CFAP44: variants seen among roughly 807,000 people sequenced by gnomAD.
The protein encoded by CFAP44 is cilia- and flagella-associated protein 44.
Under a neutral mutation model 216.2 loss-of-function variants are expected in CFAP44, and 134 were observed. That is an observed-to-expected ratio of 0.62 (90% CI 0.54 to 0.72). CFAP44 has a LOEUF of 0.72. CFAP44 is among the 30% of genes least tolerant of loss of function. The probability of loss-of-function intolerance (pLI) is 0.00; values close to 1 mark genes in which losing one functional copy is unlikely to be tolerated. For missense variants in CFAP44, 2,035 were observed against 2,182.1 expected, an observed-to-expected ratio of 0.93 and a Z score of 1.34; for synonymous variants, 700 against 727.6, an observed-to-expected ratio of 0.96 and a Z score of 0.61.
intron 13 of CFAP44, 91 bp downstream of exon 13, chr3:113,399,815 G>T: frequency 1.2e-6 from 1 of 801,118 alleles, no homozygotes; most frequent in South Asian, 3.4e-5. Flanking sequence ...TTAAAATTTT[G>T]AGTCAGCAAA....
chr3:113,326,386 C>A (rs771201028), intron 28 of CFAP44, 59 bp downstream of exon 28: 8 of 1,396,758 alleles, frequency 5.7e-6, no homozygotes, highest in Non-Finnish European at 6.5e-6. Context: ...CCCTTAGTTA[C>A]CTCTCTATTT....
At chr3:113,316,060 T>A (rs1438930260) in intron 28 of CFAP44, among the ~76,000 whole-genome samples, 1 of 152,166 alleles carries the variant, frequency 6.6e-6, no homozygotes, top group Admixed American at 6.5e-5. Flanking sequence ...AAAACAAACC[T>A]CAACAATTAC....
intron 25 of CFAP44, 123 bp downstream of exon 25, chr3:113,333,283 C>T: frequency 7.0e-6 from 6 of 852,448 alleles, no homozygotes; most frequent in African/African-American, 1.8e-5. Flanking sequence ...AAGTCTTTTC[C>T]AGTTCTAAAT....
At chr3:113,381,758 T>C (rs1933516450) in intron 15 of CFAP44, among the ~76,000 whole-genome samples, 1 of 152,214 alleles carries the variant, frequency 6.6e-6, no homozygotes, top group African/African-American at 2.4e-5. Flanking sequence ...CAATTATTTG[T>C]TGTGTACCTA....
intron 1 of CFAP44, among the ~76,000 whole-genome samples, chr3:113,437,375 T>C (rs1308561002): frequency 6.6e-6 from 1 of 152,154 alleles, no homozygotes; most frequent in Non-Finnish European, 1.5e-5. Context: ...AAGATAATCA[T>C]AAGGTGGGTA....
rs763721635 is a variant in CFAP44 at position 113,306,317 on chromosome 3, GA to G, written c.4641del (p.Leu1548PhefsTer19). The G allele has an allele frequency of 1.3e-6, 2 of 1,536,242 alleles. No individual in the cohort carries two copies. The highest frequency in any genetic ancestry group is 2.4e-5 in the South Asian group (2 of 83,762). ...DSICPTNCDV[A>X]LFELALHLRE... ...CGAAGGTGAAGGGCCAGCTCAAAAA[GA>G]GCCACATCACAATCTGCCAAGAGAA... On this transcript the variant is annotated frameshift_variant, in exon 30 of 35. Transcript: ENST00000393845. LOFTEE classifies it high-confidence loss of function.
In CFAP44 at chr3:113,291,483, T is replaced by C. The variant is rs1949828161; in HGVS notation, c.*74A>G. Reference sequence around the variant, plus strand: ...GTTCAGTTTAAAGTAATAAGATTGTTGGAGGTGATGAGGAGACAGAACTTC... The same window carrying C: ...GTTCAGTTTAAAGTAATAAGATTGTCGGAGGTGATGAGGAGACAGAACTTC... On this transcript the variant is annotated 3_prime_UTR_variant, in exon 35 of 35. Coordinates refer to ENST00000393845, the MANE Select transcript of CFAP44 (RefSeq NM_001164496.2). 1 of 1,459,956 alleles carries C rather than the reference T, an allele frequency of 6.8e-7. No homozygotes were observed. The allele number at this position is 1,459,956 out of a possible 1,614,324, so 90.4% of individuals were successfully genotyped here. A position where few individuals can be genotyped will look rare whatever the true frequency, so the allele number is the denominator to read the frequency against.
intron 28 of CFAP44, among the ~76,000 whole-genome samples, chr3:113,326,077 A>C (rs994249923): frequency 2.0e-5 from 3 of 151,884 alleles, no homozygotes; most frequent in Non-Finnish European, 4.4e-5. Flanking sequence ...AACTCTCCAA[A>C]CTCAACAGTA....
chr3:113,387,872 C>G (rs749784972), intron 15 of CFAP44, among the ~76,000 whole-genome samples: 15 of 152,068 alleles, frequency 9.9e-5, no homozygotes, highest in Non-Finnish European at 1.9e-4. Flanking sequence ...CTGAAGAGCC[C>G]TTGGGCCTTG....
At chr3:113,420,573 C>T (rs1238192959) in intron 4 of CFAP44, among the ~76,000 whole-genome samples, 1 of 152,172 alleles carries the variant, frequency 6.6e-6, no homozygotes, top group Non-Finnish European at 1.5e-5. Flanking sequence ...TTTCCTCTCT[C>T]CCACTAAAAC....
At chr3:113,351,629 C>A (rs944018949) in intron 22 of CFAP44, among the ~76,000 whole-genome samples, 4 of 152,228 alleles carry the variant, frequency 2.6e-5, no homozygotes, top group African/African-American at 9.6e-5. Flanking sequence ...TTTACACTAA[C>A]CAGTCAGGGA....
intron 34 of CFAP44, among the ~76,000 whole-genome samples, chr3:113,291,969 A>G (rs1949833727): frequency 6.6e-6 from 1 of 152,162 alleles, no homozygotes; most frequent in Non-Finnish European, 1.5e-5. Flanking sequence ...TCCTCTTTGG[A>G]TGAGTACACT....
chr3:113,355,311 G>T (rs1950483530), intron 22 of CFAP44, among the ~76,000 whole-genome samples: 1 of 152,152 alleles, frequency 6.6e-6, no homozygotes, highest in Non-Finnish European at 1.5e-5. Context: ...ACGAGGTCAA[G>T]AGTTCAATAT....
At chr3:113,359,533 A>G (rs1056572225) in intron 21 of CFAP44, among the ~76,000 whole-genome samples, 8 of 152,166 alleles carry the variant, frequency 5.3e-5, no homozygotes, top group African/African-American at 1.9e-4. Context: ...CTTAAATTTT[A>G]TTACCCATGC....
intron 23 of CFAP44, among the ~76,000 whole-genome samples, chr3:113,342,836 A>AT (rs1382593064): frequency 6.7e-6 from 1 of 148,498 alleles, no homozygotes; most frequent in Admixed American, 6.7e-5. Context: ...CTAAAAATAC[A>AT]TAAAAAAAAA....
At chr3:113,400,104 T>C in intron 12 of CFAP44, 104 bp from the exon 13 acceptor site, 4 of 692,848 alleles carry the variant, frequency 5.8e-6, no homozygotes, top group Non-Finnish European at 8.9e-6. Context: ...ATTTCTTAAC[T>C]AAATCAGTCA....
intron 6 of CFAP44, among the ~76,000 whole-genome samples, 186 bp from the exon 7 acceptor site, chr3:113,409,508 A>T (rs1037947251): frequency 7.9e-5 from 12 of 152,186 alleles, no homozygotes; most frequent in Admixed American, 7.9e-4. Flanking sequence ...ATGAAAGGGG[A>T]GGGTAAAGAA....
intron 15 of CFAP44, among the ~76,000 whole-genome samples, chr3:113,389,013 T>C (rs750110605): frequency 2.6e-5 from 4 of 152,170 alleles, no homozygotes; most frequent in Non-Finnish European, 5.9e-5. Context: ...ATCTGCACTA[T>C]AGACCAAATT....
intron 28 of CFAP44, among the ~76,000 whole-genome samples, chr3:113,324,250 G>A (rs561065569): frequency 2.0e-5 from 3 of 152,014 alleles, no homozygotes; most frequent in Admixed American, 2.0e-4. Flanking sequence ...AAAATTTTCT[G>A]ATTCATATTA....
Sources: gnomAD v4.1 joint callset for allele counts (sites outside exome capture counted in the v4.1 genomes callset) on GRCh38, gnomAD v4.1.1 for gene constraint, MANE v1.5 for transcripts, NCBI Gene and HGNC (gene_info 2026-07-23, HGNC 2026-07-21) for gene names.